The following SH3GL2 variants were observed in gnomAD, a reference collection of about 807,000 sequenced individuals.
SH3GL2 encodes endophilin-A1.
Under a neutral mutation model 46.0 loss-of-function variants are expected in SH3GL2, and 24 were observed. The observed-to-expected ratio is 0.52, with a 90% CI of 0.38 to 0.73. SH3GL2 has a LOEUF of 0.73. SH3GL2 is among the 30% of genes least tolerant of loss of function. The pLI, the probability that SH3GL2 is intolerant of heterozygous loss-of-function variation, is 0.00. For synonymous variants in SH3GL2, 196 were observed against 147.1 expected, an observed-to-expected ratio of 1.33 and a Z score of -2.40; for missense variants, 413 against 424.2, an observed-to-expected ratio of 0.97 and a Z score of 0.23.
At chr9:17,793,602 C>A (rs1273903467) in intron 8 of SH3GL2, 105 bp downstream of exon 8, 1 of 1,059,604 alleles carries the variant, frequency 9.4e-7, no homozygotes. Context: ...AGGAAATATG[C>A]AGTAATACAT....
chr9:17,764,721 A>G (rs1257113537), intron 3 of SH3GL2, among the ~76,000 whole-genome samples: 1 of 70,112 alleles, frequency 1.4e-5, no homozygotes, highest in Non-Finnish European at 3.0e-5. Flanking sequence ...GGCCAGGGGA[A>G]TCAGTAGGAT....
chr9:17,702,331 G>A (rs142011837), intron 1 of SH3GL2, among the ~76,000 whole-genome samples: 2 of 152,064 alleles, frequency 1.3e-5, no homozygotes, highest in East Asian at 3.9e-4. Context: ...GAAGAAATTT[G>A]AAAGTAGTTT....
intron 3 of SH3GL2, among the ~76,000 whole-genome samples, chr9:17,777,233 C>G (rs1232402847): frequency 6.6e-6 from 1 of 152,132 alleles, no homozygotes; most frequent in African/African-American, 2.4e-5. Flanking sequence ...AGGCTTCTTT[C>G]AAACATAACT....
At chr9:17,739,127 G>T (rs1183507335) in intron 1 of SH3GL2, among the ~76,000 whole-genome samples, 1 of 152,046 alleles carries the variant, frequency 6.6e-6, no homozygotes, top group Non-Finnish European at 1.5e-5. Context: ...AGGGTAGTTT[G>T]TAGTTTCAAT....
Position 17,597,115 on chromosome 9 carries a change from A to G in SH3GL2, c.45+17828A>G, listed in dbSNP as rs139928584. Among the ~76,000 whole-genome samples, 532 of 152,382 alleles carry G rather than the reference A, an allele frequency of 3.5e-3. 2 individuals carry two copies. Among genetic ancestry groups the G allele is most frequent in the South Asian group, 0.012 (60 of 4,832 alleles). On this transcript the variant is annotated intron_variant, in intron 1 of 8. Coordinates refer to ENST00000380607, the MANE Select transcript of SH3GL2 (RefSeq NM_003026.5). ...CTGAGAAACAGTTGAGACTGCTTCA[A>G]GAGATTTGTTTTCTTGTGTAGTAAT...
chr9:17,667,815 T>A (rs1435822174), intron 1 of SH3GL2, among the ~76,000 whole-genome samples: 4 of 152,212 alleles, frequency 2.6e-5, no homozygotes, highest in Non-Finnish European at 5.9e-5. Context: ...TACCAATACT[T>A]GCTGTTGTCT....
intron 1 of SH3GL2, among the ~76,000 whole-genome samples, chr9:17,657,514 G>A (rs1478428251): frequency 6.6e-6 from 1 of 152,168 alleles, no homozygotes; most frequent in Non-Finnish European, 1.5e-5. Flanking sequence ...CTTTAAGCAA[G>A]TCATTTACGT....
intron 1 of SH3GL2, among the ~76,000 whole-genome samples, chr9:17,611,697 T>G (rs957249975): frequency 2.0e-5 from 3 of 152,208 alleles, no homozygotes; most frequent in African/African-American, 7.2e-5. Flanking sequence ...TCTGGTTAAC[T>G]TTGGTCACTG....
intron 1 of SH3GL2, among the ~76,000 whole-genome samples, chr9:17,629,564 G>A (rs1588187457): frequency 6.6e-6 from 1 of 152,136 alleles, no homozygotes; most frequent in African/African-American, 2.4e-5. Flanking sequence ...TACAGCTCTG[G>A]TTGTACATAA....
intron 1 of SH3GL2, chr9:17,589,041 A>T (rs958764151): frequency 7.9e-5 from 12 of 152,200 alleles, no homozygotes; most frequent in Admixed American, 7.9e-4. Flanking sequence ...GTGTGTCTGT[A>T]TATTAATCTA....
chr9:17,780,136 A>AT (rs1240203304), intron 3 of SH3GL2, among the ~76,000 whole-genome samples: 2 of 152,194 alleles, frequency 1.3e-5, no homozygotes, highest in Non-Finnish European at 2.9e-5. Flanking sequence ...TATCATAAGT[A>AT]TATTGCTCAA....
chr9:17,639,291 A>G (rs893654801), intron 1 of SH3GL2, among the ~76,000 whole-genome samples: 3 of 152,244 alleles, frequency 2.0e-5, no homozygotes, highest in Non-Finnish European at 2.9e-5. Flanking sequence ...GGGAGAAAAT[A>G]TTGTAAAGCA....
chr9:17,720,721 A>G (rs1403702784), intron 1 of SH3GL2, among the ~76,000 whole-genome samples: 3 of 152,162 alleles, frequency 2.0e-5, no homozygotes, highest in Non-Finnish European at 4.4e-5. Context: ...AGGAAACGTA[A>G]GAAAAATGAA....
intron 3 of SH3GL2, among the ~76,000 whole-genome samples, chr9:17,766,651 A>C (rs1210231944): frequency 1.3e-5 from 2 of 152,206 alleles, no homozygotes; most frequent in African/African-American, 2.4e-5. Flanking sequence ...ATTAACCACT[A>C]TTAAAAATTA....
At chr9:17,781,579 G>A (rs1474348196) in intron 3 of SH3GL2, among the ~76,000 whole-genome samples, 1 of 152,144 alleles carries the variant, frequency 6.6e-6, no homozygotes, top group Non-Finnish European at 1.5e-5. Flanking sequence ...ACACCTAGAA[G>A]TGGAGTTACT....
chr9:17,610,610 G>A (rs1038935069), intron 1 of SH3GL2, among the ~76,000 whole-genome samples: 10 of 152,034 alleles, frequency 6.6e-5, no homozygotes, highest in African/African-American at 2.4e-4. Flanking sequence ...AAAAAATCAG[G>A]GTGTAAGGAT....
intron 1 of SH3GL2, among the ~76,000 whole-genome samples, chr9:17,659,810 T>C (rs184223993): frequency 6.6e-6 from 1 of 152,296 alleles, no homozygotes; most frequent in East Asian, 1.9e-4. Context: ...TATCTTCTAG[T>C]TTAAGACTCA....
intron 1 of SH3GL2, among the ~76,000 whole-genome samples, chr9:17,670,423 T>C (rs1472075628): frequency 2.6e-5 from 4 of 152,226 alleles, no homozygotes; most frequent in African/African-American, 9.6e-5. Flanking sequence ...GATAATGGCA[T>C]GTTTAGTTAT....
intron 1 of SH3GL2, among the ~76,000 whole-genome samples, chr9:17,632,941 A>C (rs909507275): frequency 6.6e-6 from 1 of 152,184 alleles, no homozygotes; most frequent in Non-Finnish European, 1.5e-5. Context: ...AAGTTTTATG[A>C]AAAAAGGAGA....
Sources: allele counts gnomAD v4.1 joint callset (sites outside exome capture counted in the v4.1 genomes callset), GRCh38; gene constraint gnomAD v4.1.1; transcripts MANE v1.5; gene names NCBI Gene and HGNC (gene_info 2026-07-23, HGNC 2026-07-21).